MREG: variants seen among roughly 807,000 people sequenced by gnomAD.
MREG encodes the protein melanoregulin.
MREG carries 31 observed loss-of-function variants against 28.5 expected under a neutral mutation model. The ratio of observed to expected loss-of-function variants is 1.09; its 90% CI spans 0.82 to 1.47. The LOEUF is 1.47. MREG is among the 40% of genes most tolerant of loss of function. The pLI, the probability that MREG is intolerant of heterozygous loss-of-function variation, is 0.00. For synonymous variants in MREG, 106 were observed against 95.2 expected (o/e 1.11, Z -0.66); for missense variants, 256 against 257.4 (o/e 0.99, Z 0.04).
chr2:216,006,853 C>T (rs985880191), intron 1 of MREG, among the ~76,000 whole-genome samples: 5 of 152,310 alleles, frequency 3.3e-5, no homozygotes, highest in South Asian at 2.1e-4. Context: ...CTTACCCCCA[C>T]CCTTCTTTCC....
In MREG at chr2:215,965,483, G is replaced by A. The variant is rs749279585; in HGVS notation, c.256-18370C>T. On this transcript the variant is annotated intron_variant, in intron 2 of 4. Transcript: ENST00000263268. ...AGCAGAGATAGGCAGGGGATACAGA[G>A]GGAGGAAGGAAGAGAAGAAATTAGA... Among the ~76,000 whole-genome samples, 8 of 152,284 alleles carry A rather than the reference G, an allele frequency of 5.3e-5. No individual in the cohort carries two copies. The South Asian group carries it at 6.2e-4, about 12-fold the overall frequency.
At chr2:216,027,270 A>T (rs920927129) in intron 1 of MREG, among the ~76,000 whole-genome samples, 1 of 152,254 alleles carries the variant, frequency 6.6e-6, no homozygotes, top group African/African-American at 2.4e-5. Context: ...GTTGGAAGCT[A>T]AAAAATATGT....
At chr2:215,958,269 AAAAT>A (rs536690921) in intron 2 of MREG, among the ~76,000 whole-genome samples, 60 of 150,306 alleles carry the variant, frequency 4.0e-4, no homozygotes, top group Admixed American at 2.1e-3. Flanking sequence ...TAATAAAATA[AAAAT>A]AAATAAATAA....
rs1412682797 is a variant in MREG at position 215,947,071 on chromosome 2, C to T, written c.298G>A (p.Val100Ile). 2.5e-6 allele frequency: 4 copies of T among 1,613,232 alleles called. No individual in the cohort carries two copies. The highest frequency in any genetic ancestry group is 3.4e-6 in the Non-Finnish European group (4 of 1,179,458). The change falls in exon 3 of 5, where the codon GTT (valine) becomes ATT (isoleucine). Residue 100 changes from valine (V) to isoleucine (I), a missense_variant. Physicochemically the swap from Val to Ile is conservative, Grantham distance 29. Coordinates refer to ENST00000263268, the MANE Select transcript of MREG (RefSeq NM_018000.3). Reference protein sequence around the residue: ...LNYDIHTLRQVRREVRNRWKC... With the variant: ...LNYDIHTLRQIRREVRNRWKC... ...CATCTGTTTCTTACTTCCCTTCGAA[C>T]CTGCCGCAGGGTATGGATATCATAG...
chr2:216,018,824 G>A (rs1466333499), intron 1 of MREG, among the ~76,000 whole-genome samples: 1 of 152,138 alleles, frequency 6.6e-6, no homozygotes, highest in Non-Finnish European at 1.5e-5. Flanking sequence ...TGAAGAACAT[G>A]CCCCCAATTC....
intron 2 of MREG, among the ~76,000 whole-genome samples, chr2:215,967,000 T>C (rs184904927): frequency 6.6e-6 from 1 of 152,314 alleles, no homozygotes; most frequent in African/African-American, 2.4e-5. Flanking sequence ...GACTCAAGTG[T>C]TGGGGTTTAC....
chr2:216,031,499 GAA>G (rs1433065907), intron 1 of MREG, among the ~76,000 whole-genome samples: 1 of 126,302 alleles, frequency 7.9e-6, no homozygotes, highest in African/African-American at 2.9e-5. Flanking sequence ...GAAAGAGAAA[GAA>G]AGAGAGAAAG....
At chr2:215,946,905 C>G (rs1371572513) in intron 3 of MREG, 118 bp downstream of exon 3, 1 of 664,882 alleles carries the variant, frequency 1.5e-6, no homozygotes, top group East Asian at 2.8e-5. Flanking sequence ...AATTAGTACA[C>G]AGTAGTCTTA....
rs1276188118 is a variant in MREG, at chr2:215,942,712, T to C, written c.*2151A>G. The stretch of plus-strand genomic sequence containing the variant: ...TCAAAAATACTGTGGTAACAATTTA[T>C]AGATGCACACAATCTCATCTATTTT... On this transcript the variant is annotated 3_prime_UTR_variant, in exon 5 of 5. Transcript: ENST00000263268. The C allele has an allele frequency of 6.6e-6, 1 of 152,654 alleles. No homozygotes were observed. The highest frequency in any genetic ancestry group is 1.5e-5 in the Non-Finnish European group (1 of 68,040). 9.5% of individuals were successfully genotyped at this position (152,654 alleles called of 1,614,324 possible).
upstream of MREG, among the ~76,000 whole-genome samples, chr2:216,016,999 C>G (rs578170117): frequency 6.6e-6 from 1 of 152,220 alleles, no homozygotes; most frequent in African/African-American, 2.4e-5. Context: ...GCTCAGATTC[C>G]CTCTGTTGAC....
At chr2:215,980,223 G>A (rs911856945) in intron 2 of MREG, among the ~76,000 whole-genome samples, 1 of 152,150 alleles carries the variant, frequency 6.6e-6, no homozygotes, top group Non-Finnish European at 1.5e-5. Context: ...CCAACTTGTT[G>A]TCCATCCTTC....
intron 1 of MREG, among the ~76,000 whole-genome samples, chr2:216,018,813 T>A (rs1694481949): frequency 6.6e-6 from 1 of 152,200 alleles, no homozygotes; most frequent in Non-Finnish European, 1.5e-5. Context: ...TTGTTTTCCT[T>A]TGAAGAACAT....
chr2:215,991,371 C>T (rs1299024351), intron 2 of MREG, among the ~76,000 whole-genome samples: 1 of 152,178 alleles, frequency 6.6e-6, no homozygotes, highest in Non-Finnish European at 1.5e-5. Flanking sequence ...GTACCAGAAT[C>T]TCTGGCACTC....
intron 1 of MREG, among the ~76,000 whole-genome samples, chr2:216,011,444 C>T (rs1463956520): frequency 6.6e-6 from 1 of 152,198 alleles, no homozygotes; most frequent in Non-Finnish European, 1.5e-5. Flanking sequence ...ACACTCTATA[C>T]TAAGCACTTT....
intron 1 of MREG, among the ~76,000 whole-genome samples, chr2:216,031,281 C>A (rs1403681436): frequency 1.3e-5 from 2 of 151,956 alleles, no homozygotes; most frequent in Non-Finnish European, 2.9e-5. Context: ...GTGGTGGGCG[C>A]CTGTAAACCC....
rs929284843 is a variant in MREG, at chr2:216,013,384, C to T, written c.-57G>A. ...CCTGGGGCCGAGTCGCCGCGGCGAGCGATCGAGGCTGGGGCGCGGCCACCG... is the reference window on the plus strand; with the variant it reads ...CCTGGGGCCGAGTCGCCGCGGCGAGTGATCGAGGCTGGGGCGCGGCCACCG... On this transcript the variant is annotated 5_prime_UTR_variant, in exon 1 of 5. Coordinates refer to ENST00000263268, the MANE Select transcript of MREG (RefSeq NM_018000.3). The T allele has an allele frequency of 1.0e-5, 14 of 1,365,774 alleles. No individual in the cohort carries two copies. The Admixed American group carries it at 2.5e-4, about 24-fold the overall frequency. The allele number at this position is 1,365,774 out of a possible 1,614,324, so 84.6% of individuals were successfully genotyped here.
At chr2:215,994,600 GAGA>G (rs1693811169) in intron 2 of MREG, among the ~76,000 whole-genome samples, 2 of 113,968 alleles carry the variant, frequency 1.8e-5, no homozygotes, top group Non-Finnish European at 4.2e-5. Flanking sequence ...GAAGAAGAAG[GAGA>G]AGAAGAGGAA....
rs1224437970 is a variant in MREG at position 216,013,428 on chromosome 2, G to A, written c.-101C>T. On this transcript the variant is annotated 5_prime_UTR_variant, in exon 1 of 5. Coordinates refer to ENST00000263268, the MANE Select transcript of MREG (RefSeq NM_018000.3). ...GCCACCGCGCCAGCGTCCAGGTGCGGGGACAGCGGCAGCCCGGGCGTCGCG... is the reference window on the plus strand; with the variant it reads ...GCCACCGCGCCAGCGTCCAGGTGCGAGGACAGCGGCAGCCCGGGCGTCGCG... 3.8e-6 allele frequency: 3 copies of A among 785,936 alleles called. No homozygotes were observed. Among genetic ancestry groups the A allele is most frequent in the African/African-American group, 1.8e-5 (1 of 54,252 alleles). The allele number at this position is 785,936 out of a possible 1,614,324, so 48.7% of individuals were successfully genotyped here. A position where few individuals can be genotyped will look rare whatever the true frequency, so the allele number is the denominator to read the frequency against.
chr2:215,963,038 G>A (rs1273722950), intron 2 of MREG, among the ~76,000 whole-genome samples: 1 of 152,218 alleles, frequency 6.6e-6, no homozygotes, highest in East Asian at 1.9e-4. Context: ...TGAGGTAGGA[G>A]GATTGCTTGA....
Sources: allele counts gnomAD v4.1 joint callset (sites outside exome capture counted in the v4.1 genomes callset), GRCh38; gene constraint gnomAD v4.1.1; transcripts MANE v1.5; gene names NCBI Gene and HGNC (gene_info 2026-07-23, HGNC 2026-07-21).